C12orf42: variants seen among roughly 807,000 people sequenced by gnomAD.
C12orf42 encodes uncharacterized protein C12orf42.
C12orf42 carries 25 observed loss-of-function variants against 21.6 expected under a neutral mutation model. That is an observed-to-expected ratio of 1.16 (90% CI 0.84 to 1.62). The LOEUF is 1.62. Ranked by LOEUF, C12orf42 falls within the 40% of genes most tolerant of loss-of-function variation. The pLI is 0.00. For missense variants in C12orf42, 483 were observed against 459.3 expected (o/e 1.05, Z -0.47); for synonymous variants, 174 against 175.0 (o/e 0.99, Z 0.05).
chr12:103,279,598 A>G (rs907449860), intron 4 of C12orf42, among the ~76,000 whole-genome samples: 2 of 152,234 alleles, frequency 1.3e-5, no homozygotes, highest in African/African-American at 4.8e-5. Flanking sequence ...GTCAGAAATC[A>G]CTGATAGAGA....
chr12:103,305,248 C>T, intron 5 of C12orf42, among the ~76,000 whole-genome samples: 1 of 152,114 alleles, frequency 6.6e-6, no homozygotes, highest in East Asian at 1.9e-4. Flanking sequence ...CATGACAGCT[C>T]TTGGAATATT....
chr12:103,060,364 T>C, the C12orf42 span, among the ~76,000 whole-genome samples: 1 of 152,240 alleles, frequency 6.6e-6, no homozygotes, highest in East Asian at 1.9e-4. Flanking sequence ...TGCTCATGGA[T>C]AGGAAGAATC....
the C12orf42 span, among the ~76,000 whole-genome samples, chr12:103,206,862 C>T: frequency 6.6e-6 from 1 of 152,190 alleles, no homozygotes; most frequent in African/African-American, 2.4e-5. Context: ...GCACCTCCAG[C>T]CGATCTTCCC....
the C12orf42 span, among the ~76,000 whole-genome samples, chr12:103,225,046 C>T: frequency 1.7e-4 from 26 of 152,236 alleles, no homozygotes; most frequent in African/African-American, 5.5e-4. Context: ...TGAAGCCTTG[C>T]GGCAGTACAG....
chr12:103,350,084 G>A (rs2042982105), intron 4 of C12orf42, among the ~76,000 whole-genome samples: 1 of 152,066 alleles, frequency 6.6e-6, no homozygotes, highest in Non-Finnish European at 1.5e-5. Flanking sequence ...AGGAAGATAA[G>A]ATAATGACCA....
intron 1 of C12orf42, among the ~76,000 whole-genome samples, chr12:103,481,794 T>C (rs1954491006): frequency 6.6e-6 from 1 of 151,200 alleles, no homozygotes; most frequent in African/African-American, 2.4e-5. Context: ...GGTTCTTCTG[T>C]TTTTTGTTTG....
At chr12:103,206,731 T>C in the C12orf42 span, among the ~76,000 whole-genome samples, 1 of 152,080 alleles carries the variant, frequency 6.6e-6, no homozygotes, top group Non-Finnish European at 1.5e-5. Context: ...GGTTCACTGA[T>C]TTTTTCCTTC....
chr12:103,150,546 A>T, the C12orf42 span, among the ~76,000 whole-genome samples: 7 of 152,210 alleles, frequency 4.6e-5, no homozygotes, highest in African/African-American at 1.2e-4. Context: ...GACATAGACA[A>T]TGTTATTATT....
At chr12:103,277,855 G>A (rs1214697951) in intron 4 of C12orf42, among the ~76,000 whole-genome samples, 3 of 152,052 alleles carry the variant, frequency 2.0e-5, no homozygotes, top group Non-Finnish European at 2.9e-5. Context: ...TCCTGGCCTC[G>A]TGATCCACCT....
chr12:103,424,108 A>C (rs1457223906), intron 2 of C12orf42, among the ~76,000 whole-genome samples: 1 of 152,256 alleles, frequency 6.6e-6, no homozygotes, highest in Non-Finnish European at 1.5e-5. Context: ...ATCTACACCA[A>C]TCATCATGCA....
At chr12:103,141,540 T>TG in the C12orf42 span, among the ~76,000 whole-genome samples, 1,058 of 149,816 alleles carry the variant, frequency 7.1e-3, 10 homozygotes, top group Middle Eastern at 0.014. Flanking sequence ...TTTTTTTTTT[T>TG]TTTTTTGAGA....
At chr12:103,213,744 CA>C in the C12orf42 span, among the ~76,000 whole-genome samples, 4 of 152,136 alleles carry the variant, frequency 2.6e-5, no homozygotes, top group East Asian at 7.7e-4. Context: ...AAAAACTCAC[CA>C]GAAAGTTTCC....
chr12:103,434,407 C>T (rs141084279), intron 2 of C12orf42, among the ~76,000 whole-genome samples: 10 of 151,036 alleles, frequency 6.6e-5, no homozygotes, highest in African/African-American at 2.4e-4. Flanking sequence ...GCCAAGATGG[C>T]CGAATAGGAA....
chr12:103,302,545 G>C lies in C12orf42; in HGVS notation c.646C>G (p.Pro216Ala). ...CTGCAGAGGCCGATGGCAGTGGAAG[G>C]TCTGGCGGCAGAACCTGGAAGGCAA... ...PKKNSGSAAR[P>A]STAIGLCRRS... Residue 216 changes from proline (P) to alanine (A), a missense_variant, in exon 6 of 6, where the codon CCT (proline) becomes GCT (alanine). Transcript: ENST00000548883. 6.2e-7 allele frequency: 1 copy of C among 1,607,274 alleles called. No homozygotes were observed. The highest frequency in any genetic ancestry group is 8.5e-7 in the Non-Finnish European group (1 of 1,176,874).
At chr12:103,096,052 T>C in the C12orf42 span, among the ~76,000 whole-genome samples, 2 of 152,190 alleles carry the variant, frequency 1.3e-5, no homozygotes, top group Non-Finnish European at 2.9e-5. Context: ...TCAACATCTG[T>C]CAGACACCAG....
the C12orf42 span, among the ~76,000 whole-genome samples, chr12:103,224,247 A>T: frequency 6.6e-6 from 1 of 152,004 alleles, no homozygotes; most frequent in Non-Finnish European, 1.5e-5. Context: ...TAGGGAAGGG[A>T]GGCGGCCTGA....
intron 2 of C12orf42, among the ~76,000 whole-genome samples, chr12:103,472,179 C>A (rs568810763): frequency 6.6e-6 from 1 of 150,814 alleles, no homozygotes; most frequent in South Asian, 2.1e-4. Context: ...CTCAGCCTCA[C>A]GAGTAGCTGG....
intron 2 of C12orf42, among the ~76,000 whole-genome samples, chr12:103,457,349 G>A (rs1952370521): frequency 6.6e-6 from 1 of 152,166 alleles, no homozygotes; most frequent in Non-Finnish European, 1.5e-5. Context: ...GGTATACACT[G>A]TGTTTCTCTT....
intron 4 of C12orf42, among the ~76,000 whole-genome samples, chr12:103,366,494 T>C (rs981870567): frequency 6.6e-6 from 1 of 151,924 alleles, no homozygotes; most frequent in East Asian, 1.9e-4. Context: ...AGCTTTTGCA[T>C]GGCAAAACGA....
Sources: allele counts gnomAD v4.1 joint callset (sites outside exome capture counted in the v4.1 genomes callset), GRCh38; gene constraint gnomAD v4.1.1; transcripts MANE v1.5; gene names NCBI Gene and HGNC (gene_info 2026-07-23, HGNC 2026-07-21).